NT5DC3: variants seen among roughly 807,000 people sequenced by gnomAD.
NT5DC3 encodes the protein 5'-nucleotidase domain containing 3.
NT5DC3 carries 42 observed loss-of-function variants against 67.8 expected under a neutral mutation model. The observed-to-expected ratio is 0.62, with a 90% CI of 0.48 to 0.80. The LOEUF (loss-of-function observed/expected upper bound fraction) is 0.80. Among genes scored for constraint, NT5DC3 ranks in the 30% least tolerant of loss-of-function variants. The probability of loss-of-function intolerance (pLI) is 0.00; values close to 1 mark genes in which losing one functional copy is unlikely to be tolerated. For synonymous variants in NT5DC3, 237 were observed against 255.6 expected (o/e 0.93, Z 0.69); for missense variants, 570 against 696.4 (o/e 0.82, Z 2.04).
chr12:103,814,054 G>A (rs560799230), intron 2 of NT5DC3, among the ~76,000 whole-genome samples: 87 of 152,226 alleles, frequency 5.7e-4, no homozygotes, highest in African/African-American at 2.0e-3. Flanking sequence ...TGTCTAAGGA[G>A]ACCTCCACTA....
chr12:103,758,374 C>G, the NT5DC3 span: 2 of 1,583,398 alleles, frequency 1.3e-6, no homozygotes, highest in African/African-American at 1.3e-5. Context: ...TACCTGAAAA[C>G]TCAGTGGCTA....
chr12:103,797,451 C>T (rs1442286659), intron 5 of NT5DC3, among the ~76,000 whole-genome samples: 3 of 145,652 alleles, frequency 2.1e-5, no homozygotes, highest in African/African-American at 7.6e-5. Context: ...GCCTGGACAA[C>T]AAGAGCAAAA....
chr12:103,826,871 A>G (rs1208311190), intron 1 of NT5DC3, among the ~76,000 whole-genome samples: 1 of 152,210 alleles, frequency 6.6e-6, no homozygotes, highest in Admixed American at 6.5e-5. Context: ...AATTTCTTTT[A>G]TTTTGGATAA....
the NT5DC3 span, among the ~76,000 whole-genome samples, chr12:103,756,995 A>AT: frequency 2.1e-5 from 1 of 47,926 alleles, no homozygotes; most frequent in Non-Finnish European, 3.8e-5. Flanking sequence ...GAAGGAGGGA[A>AT]AATATATATA....
chr12:103,794,139 C>A, intron 6 of NT5DC3, 142 bp from the exon 7 acceptor site: 1 of 530,984 alleles, frequency 1.9e-6, no homozygotes, highest in Non-Finnish European at 3.2e-6. Flanking sequence ...AATTCTGGTC[C>A]ATTTTCTTCT....
At chr12:103,758,345 A>G in the NT5DC3 span, 2 of 1,600,886 alleles carry the variant, frequency 1.2e-6, no homozygotes, top group African/African-American at 2.7e-5. Flanking sequence ...TATCACCACA[A>G]CAATGCTGTG....
In NT5DC3 at chr12:103,806,317, C is replaced by A; in HGVS notation, c.524+5G>T. On this transcript the variant is annotated splice_donor_5th_base_variant and intron_variant, in intron 4 of 13. Transcript: ENST00000392876. ...TAAATTAAATGTATCTCCTCTTACTCTTACCTGTAGACAGTTCCCAGCTGG... is the reference window on the plus strand; with the variant it reads ...TAAATTAAATGTATCTCCTCTTACTATTACCTGTAGACAGTTCCCAGCTGG... 1 of 1,590,992 alleles carries A rather than the reference C, an allele frequency of 6.3e-7. No individual in the cohort carries two copies. Among genetic ancestry groups the A allele is most frequent in the Non-Finnish European group, 8.6e-7 (1 of 1,159,006 alleles).
intron 4 of NT5DC3, among the ~76,000 whole-genome samples, chr12:103,805,487 A>G (rs924089553): frequency 5.9e-5 from 9 of 152,312 alleles, no homozygotes; most frequent in Middle Eastern, 3.4e-3. Context: ...ACCTAAATAC[A>G]AATCACACTC....
At chr12:103,755,013 C>T in the NT5DC3 span, 1 of 356,922 alleles carries the variant, frequency 2.8e-6, no homozygotes, top group African/African-American at 2.0e-5. Context: ...AAAATTTGCA[C>T]CTAGTATCAA....
chr12:103,794,060 A>G, intron 6 of NT5DC3, 63 bp from the exon 7 acceptor site: 2 of 1,269,020 alleles, frequency 1.6e-6, no homozygotes, highest in East Asian at 4.6e-5. Flanking sequence ...TAACAGTACA[A>G]GTGAAATGGC....
rs916505380 is a variant in NT5DC3 at position 103,808,163 on chromosome 12, G to A, written c.394-1234C>T. 9.2e-5 allele frequency among the ~76,000 whole-genome samples: 14 copies of A among 152,188 alleles called. 1 individual carries two copies. The highest frequency in any genetic ancestry group is 2.0e-4 in the Admixed American group (3 of 15,294). ...TACCCTGTGGATGGCACTGATCTGT[G>A]GGCACCATTTCTGCTGCTACTACAC... On this transcript the variant is annotated intron_variant, in intron 2 of 13. Transcript: ENST00000392876.
intron 9 of NT5DC3, 72 bp downstream of exon 9, chr12:103,793,092 C>G: frequency 9.1e-7 from 1 of 1,098,244 alleles, no homozygotes; most frequent in African/African-American, 1.6e-5. Context: ...TGGATTTTAC[C>G]AAGACACACC....
Position 103,777,536 on chromosome 12 carries a change from G to T in NT5DC3, c.*293C>A. Reference sequence around the variant, plus strand: ...CTAGAATACAGACATGGCATCAAGTGGTCTCACCTATCCCAGGAAACCTGA... The same window carrying T: ...CTAGAATACAGACATGGCATCAAGTTGTCTCACCTATCCCAGGAAACCTGA... On this transcript the variant is annotated 3_prime_UTR_variant, in exon 14 of 14. Coordinates refer to ENST00000392876, the MANE Select transcript of NT5DC3 (RefSeq NM_001031701.3). 2.4e-6 allele frequency: 1 copy of T among 422,958 alleles called. No individual in the cohort carries two copies. The highest frequency in any genetic ancestry group is 4.1e-5 in the Admixed American group (1 of 24,460). The allele number at this position is 422,958 out of a possible 1,614,324, so 26.2% of individuals were successfully genotyped here. A position where few individuals can be genotyped will look rare whatever the true frequency, so the allele number is the denominator to read the frequency against.
At chr12:103,749,248 G>C in the NT5DC3 span, 1 of 1,330,646 alleles carries the variant, frequency 7.5e-7, no homozygotes. Context: ...CTTATCTCCT[G>C]GACTCTTCCT....
chr12:103,763,597 G>C, the NT5DC3 span: 1 of 1,613,862 alleles, frequency 6.2e-7, no homozygotes, highest in Non-Finnish European at 8.5e-7. Flanking sequence ...ACCTTCCTAC[G>C]ACCCCTTCAC....
chr12:103,795,667 ATATT>A (rs998080908), intron 6 of NT5DC3, among the ~76,000 whole-genome samples: 4 of 151,998 alleles, frequency 2.6e-5, no homozygotes, highest in African/African-American at 9.7e-5. Context: ...TTTAAAAAAT[ATATT>A]TAAATAAACA....
chr12:103,779,798 A>T (rs1423169818), intron 13 of NT5DC3, among the ~76,000 whole-genome samples: 1 of 152,180 alleles, frequency 6.6e-6, no homozygotes, highest in Admixed American at 6.5e-5. Context: ...ACACCCACCA[A>T]ACTTTTCTTA....
intron 1 of NT5DC3, among the ~76,000 whole-genome samples, chr12:103,824,332 C>T (rs1239346645): frequency 6.6e-6 from 1 of 152,198 alleles, no homozygotes; most frequent in Non-Finnish European, 1.5e-5. Flanking sequence ...TTTACTTCTG[C>T]AACAGTCCAA....
chr12:103,813,343 A>C (rs1466858484), intron 2 of NT5DC3, among the ~76,000 whole-genome samples: 1 of 152,230 alleles, frequency 6.6e-6, no homozygotes, highest in African/African-American at 2.4e-5. Context: ...TCCCTTGAAC[A>C]AACGAGACCT....
Sources: gnomAD v4.1 joint callset for allele counts (sites outside exome capture counted in the v4.1 genomes callset) on GRCh38, gnomAD v4.1.1 for gene constraint, MANE v1.5 for transcripts, NCBI Gene and HGNC (gene_info 2026-07-23, HGNC 2026-07-21) for gene names.